TNFSF13B: variants seen among roughly 807,000 people sequenced by gnomAD.
TNFSF13B encodes the protein TNF superfamily member 13b.
In TNFSF13B, 8 loss-of-function variants were observed where a neutral mutation model predicts 29.1. The observed-to-expected ratio is 0.27, with a 90% confidence interval of 0.16 to 0.50. The LOEUF (loss-of-function observed/expected upper bound fraction) is 0.50. TNFSF13B is among the 20% of genes least tolerant of loss of function. The pLI, the probability that TNFSF13B is intolerant of heterozygous loss-of-function variation, is 0.98. For synonymous variants in TNFSF13B, 125 were observed against 130.8 expected, an observed-to-expected ratio of 0.96 and a Z score of 0.30; for missense variants, 248 against 334.9, an observed-to-expected ratio of 0.74 and a Z score of 2.03.
chr13:108,284,017 CAG>C (rs1249427319), intron 2 of TNFSF13B, among the ~76,000 whole-genome samples: 3 of 152,112 alleles, frequency 2.0e-5, no homozygotes. Context: ...TTTTGGGAAA[CAG>C]AGAAAGGGTG....
At chr13:108,290,231 GA>G (rs58704817) in intron 3 of TNFSF13B, among the ~76,000 whole-genome samples, 10 of 150,616 alleles carry the variant, frequency 6.6e-5, no homozygotes, top group Non-Finnish European at 1.3e-4. Flanking sequence ...ATCCTCATAT[GA>G]AAAAAAAAGC....
rs143581498 is a variant in TNFSF13B at position 108,288,822 on chromosome 13, C to T, written c.481+1963C>T. Among the ~76,000 whole-genome samples, 9 of 152,168 alleles carry T rather than the reference C, an allele frequency of 5.9e-5. No individual in the cohort carries two copies. The East Asian group carries it at 1.7e-3, about 29-fold the overall frequency. ...AAAGTTTTGTGTTGTGAACGAACTA[C>T]GAGTTCAGGAGTATCTGGAGGTTAG... is the stretch of plus-strand genomic sequence containing the variant. On this transcript the variant is annotated intron_variant, in intron 3 of 5. Coordinates refer to ENST00000375887, the MANE Select transcript of TNFSF13B (RefSeq NM_006573.5).
At chr13:108,292,828 TTATCAAA>T (rs1268328734) in intron 3 of TNFSF13B, among the ~76,000 whole-genome samples, 37 of 152,182 alleles carry the variant, frequency 2.4e-4, no homozygotes, top group Non-Finnish European at 1.5e-5. Context: ...TACAAGACCC[TTATCAAA>T]TATCTGATTT....
chr13:108,302,481 C>T (rs887570678), intron 3 of TNFSF13B, among the ~76,000 whole-genome samples: 12 of 152,120 alleles, frequency 7.9e-5, no homozygotes, highest in Non-Finnish European at 1.6e-4. Flanking sequence ...TGTCTCTGCT[C>T]TCTTAATGGG....
intron 2 of TNFSF13B, among the ~76,000 whole-genome samples, chr13:108,273,008 T>C (rs1270145323): frequency 6.6e-6 from 1 of 152,160 alleles, no homozygotes; most frequent in East Asian, 1.9e-4. Context: ...AGGAATAGTA[T>C]ACTGATGAGA....
chr13:108,273,274 A>G (rs927999005), intron 2 of TNFSF13B, among the ~76,000 whole-genome samples: 2 of 152,156 alleles, frequency 1.3e-5, no homozygotes, highest in Non-Finnish European at 2.9e-5. Flanking sequence ...TTATCTGTAG[A>G]TTTGTGATAA....
At chr13:108,272,777 G>C (rs1182975898) in intron 2 of TNFSF13B, among the ~76,000 whole-genome samples, 5 of 151,624 alleles carry the variant, frequency 3.3e-5, no homozygotes, top group Non-Finnish European at 5.9e-5. Flanking sequence ...GTAGGGTCAG[G>C]ATCCTTCAAT....
chr13:108,296,360 T>C (rs1321807988), intron 3 of TNFSF13B, among the ~76,000 whole-genome samples: 3 of 146,140 alleles, frequency 2.1e-5, no homozygotes, highest in Non-Finnish European at 4.6e-5. Context: ...TAAAAATTTT[T>C]GGCTTAACAT....
At chr13:108,291,573 T>A (rs1003134080) in intron 3 of TNFSF13B, among the ~76,000 whole-genome samples, 2 of 151,994 alleles carry the variant, frequency 1.3e-5, no homozygotes, top group African/African-American at 4.8e-5. Flanking sequence ...CCATGATATA[T>A]CTTTTCAATA....
chr13:108,303,077 A>G (rs1296508241), intron 3 of TNFSF13B, among the ~76,000 whole-genome samples, 176 bp from the exon 4 acceptor site: 1 of 152,188 alleles, frequency 6.6e-6, no homozygotes, highest in Non-Finnish European at 1.5e-5. Context: ...AGTGATGGCA[A>G]AGAATCCAGT....
At chr13:108,291,853 G>T (rs921092549) in intron 3 of TNFSF13B, among the ~76,000 whole-genome samples, 1 of 151,964 alleles carries the variant, frequency 6.6e-6, no homozygotes, top group African/African-American at 2.4e-5. Flanking sequence ...GTTAACAAAA[G>T]AGTTTCTATT....
chr13:108,285,995 T>C (rs1881118289), intron 2 of TNFSF13B, among the ~76,000 whole-genome samples: 1 of 152,250 alleles, frequency 6.6e-6, no homozygotes, highest in South Asian at 2.1e-4. Context: ...TTCTTAAATA[T>C]TGACTGGAAT....
At chr13:108,291,949 G>T (rs1247176492) in intron 3 of TNFSF13B, among the ~76,000 whole-genome samples, 1 of 151,804 alleles carries the variant, frequency 6.6e-6, no homozygotes, top group African/African-American at 2.4e-5. Context: ...TAAATACTAG[G>T]GGTAGCTACC....
Position 108,270,336 on chromosome 13 carries a change from A to C in TNFSF13B, c.340-4A>C. On this transcript the variant is annotated splice_polypyrimidine_tract_variant and splice_region_variant and intron_variant, in intron 1 of 5. Coordinates refer to ENST00000375887, the MANE Select transcript of TNFSF13B (RefSeq NM_006573.5). ...CTAATAACTTGAAGTTTTTCTGTTC[A>C]TAGATCTTTGAACCACCAGCTCCAG... 1 of 1,614,174 alleles carries C rather than the reference A, an allele frequency of 6.2e-7. No homozygotes were observed.
At chr13:108,300,363 G>A (rs1424081769) in intron 3 of TNFSF13B, among the ~76,000 whole-genome samples, 1 of 152,032 alleles carries the variant, frequency 6.6e-6, no homozygotes, top group Non-Finnish European at 1.5e-5. Context: ...AACATAAATG[G>A]CCCTTTAGCT....
At chr13:108,278,707 C>CACTTCTCTCCCTCCT (rs1880845531) in intron 2 of TNFSF13B, among the ~76,000 whole-genome samples, 1 of 147,756 alleles carries the variant, frequency 6.8e-6, no homozygotes, top group Non-Finnish European at 1.5e-5. Flanking sequence ...CCTCCTCCTC[C>CACTTCTCTCCCTCCT]CCTTCTCTTC....
At chr13:108,270,506 C>A in intron 2 of TNFSF13B, 82 bp downstream of exon 2, 1 of 1,254,078 alleles carries the variant, frequency 8.0e-7, no homozygotes, top group East Asian at 2.4e-5. Flanking sequence ...GTGAGTATCC[C>A]CTCTATGAAC....
At chr13:108,300,307 G>GCATCAGCA (rs1460965169) in intron 3 of TNFSF13B, among the ~76,000 whole-genome samples, 1 of 152,144 alleles carries the variant, frequency 6.6e-6, no homozygotes, top group Non-Finnish European at 1.5e-5. Flanking sequence ...CATGTCTACT[G>GCATCAGCA]TGGGTCAGTC....
At chr13:108,278,022 G>A (rs1162015785) in intron 2 of TNFSF13B, among the ~76,000 whole-genome samples, 3 of 152,126 alleles carry the variant, frequency 2.0e-5, no homozygotes, top group African/African-American at 7.2e-5. Context: ...ACCTGCCTCT[G>A]ACATCATTAT....
Sources: allele counts gnomAD v4.1 joint callset (sites outside exome capture counted in the v4.1 genomes callset), GRCh38; gene constraint gnomAD v4.1.1; transcripts MANE v1.5; gene names NCBI Gene and HGNC (gene_info 2026-07-23, HGNC 2026-07-21).